MRPL3: variants seen among roughly 807,000 people sequenced by gnomAD.
MRPL3 encodes mitochondrial ribosomal protein L3.
MRPL3 carries 43 observed loss-of-function variants against 44.3 expected under a neutral mutation model. The ratio of observed to expected loss-of-function variants is 0.97; its 90% CI spans 0.76 to 1.25. MRPL3 has a LOEUF of 1.25. MRPL3 is among the 50% of genes most tolerant of loss of function. The pLI, the probability that MRPL3 is intolerant of heterozygous loss-of-function variation, is 0.00. For synonymous variants in MRPL3, 171 were observed against 152.3 expected (o/e 1.12, Z -0.91); for missense variants, 406 against 427.6 (o/e 0.95, Z 0.45).
intron 7 of MRPL3, among the ~76,000 whole-genome samples, chr3:131,470,576 T>G (rs1333530681): frequency 1.3e-5 from 2 of 151,952 alleles, no homozygotes; most frequent in African/African-American, 4.8e-5. Flanking sequence ...ACAAATATAT[T>G]CCGTTATATA....
At chr3:131,478,898 G>T (rs1047382706) in intron 6 of MRPL3, among the ~76,000 whole-genome samples, 1 of 151,796 alleles carries the variant, frequency 6.6e-6, no homozygotes, top group South Asian at 2.1e-4. Context: ...TCGCTATGTT[G>T]GTCAGGCTGG....
chr3:131,501,865 T>G lies in MRPL3; in HGVS notation c.93-150A>C. On this transcript the variant is annotated intron_variant, in intron 1 of 9. Transcript: ENST00000264995. ...ATACCTTTTTTTCAGGTCTCCAACC[T>G]TTTCCTCACTCCCCACATTCCTTCG... 4.5e-6 allele frequency: 7 copies of G among 1,545,922 alleles called. 1 individual carries two copies. In the South Asian group the frequency reaches 8.1e-5, roughly 18 times the overall value.
intron 6 of MRPL3, among the ~76,000 whole-genome samples, chr3:131,475,158 A>C (rs966816918): frequency 6.6e-6 from 1 of 152,082 alleles, no homozygotes; most frequent in Non-Finnish European, 1.5e-5. Context: ...TTTTTAACAG[A>C]GTGTTCCCTA....
chr3:131,498,207 A>G lies in MRPL3; in HGVS notation c.440T>C (p.Val147Ala). The stretch of plus-strand genomic sequence containing the variant: ...AAAACGTGATACAGTTTTTCCTCCT[A>G]CAGACAGGGTTGCCATTTTTCCATT... ...NCNGKMATLS[V>A]GGKTVSRFRK... Residue 147 changes from valine (V) to alanine (A), a missense_variant, in exon 4 of 10, where the codon GTA becomes GCA. Coordinates refer to ENST00000264995, the MANE Select transcript of MRPL3 (RefSeq NM_007208.4). 1 of 1,610,582 alleles carries G rather than the reference A, an allele frequency of 6.2e-7. No individual in the cohort carries two copies. Among genetic ancestry groups the G allele is most frequent in the Non-Finnish European group, 8.5e-7 (1 of 1,176,828 alleles).
At chr3:131,484,912 C>G (rs955525984) in intron 6 of MRPL3, among the ~76,000 whole-genome samples, 1 of 152,196 alleles carries the variant, frequency 6.6e-6, no homozygotes, top group Middle Eastern at 3.4e-3. Context: ...CACACACATG[C>G]GAGGAAAACC....
Position 131,478,708 on chromosome 3 carries a change from ATT to A in MRPL3, c.630-7431_630-7430del, listed in dbSNP as rs68160977. On this transcript the variant is annotated intron_variant, in intron 6 of 9. Transcript: ENST00000264995. The stretch of plus-strand genomic sequence containing the variant: ...AGTTGCATCACCTGTGAAATATTCG[ATT>A]TTTTTTTTTTTTTTTTGAGACAGAC... 8.1e-5 allele frequency among the ~76,000 whole-genome samples: 11 copies of A among 135,736 alleles called. No individual in the cohort carries two copies. In the East Asian group the frequency reaches 1.3e-3, roughly 16 times the overall value. The allele number at this position is 135,736 out of a possible 152,430, so 89.0% of individuals were successfully genotyped here. A position where few individuals can be genotyped will look rare whatever the true frequency, so the allele number is the denominator to read the frequency against.
At position 131,462,675 on chromosome 3, in the gene MRPL3, C is replaced by T. The variant is rs1365570072; in HGVS notation, c.*48G>A. 3 of 1,534,644 alleles carry T rather than the reference C, an allele frequency of 2.0e-6. No homozygotes were observed. The highest frequency in any genetic ancestry group is 3.7e-5 in the Admixed American group (2 of 54,464). On this transcript the variant is annotated 3_prime_UTR_variant, in exon 10 of 10. Coordinates refer to ENST00000264995, the MANE Select transcript of MRPL3 (RefSeq NM_007208.4). ...TCTGGTGGTTATGATATCACTCTGG[C>T]TCATCGAAGCTCACAGAATATGTAA...
At chr3:131,480,667 T>A (rs1422337657) in intron 6 of MRPL3, among the ~76,000 whole-genome samples, 1 of 152,138 alleles carries the variant, frequency 6.6e-6, no homozygotes, top group Non-Finnish European at 1.5e-5. Flanking sequence ...CTGGGCACAC[T>A]CTGTTCTTCT....
intron 2 of MRPL3, among the ~76,000 whole-genome samples, chr3:131,501,284 T>G (rs184337214): frequency 4.0e-4 from 61 of 152,330 alleles, no homozygotes; most frequent in Admixed American, 6.5e-4. Flanking sequence ...AGAGAATCTA[T>G]GCAGAATGAT....
In MRPL3 at chr3:131,491,248, T is replaced by C. The variant is rs114105816; in HGVS notation, c.469-1168A>G. ...GCACTCAATGCAAAGTGCTTGTCAT[T>C]CACCAAGGATCTCCATACGGTCAAC... On this transcript the variant is annotated intron_variant, in intron 4 of 9. Coordinates refer to ENST00000264995, the MANE Select transcript of MRPL3 (RefSeq NM_007208.4). Among the ~76,000 whole-genome samples the C allele has an allele frequency of 2.5e-3, 384 of 152,214 alleles. 4 individuals carry two copies. The highest frequency in any genetic ancestry group is 8.6e-3 in the African/African-American group (359 of 41,524).
At chr3:131,500,935 A>C (rs546437963) in intron 2 of MRPL3, among the ~76,000 whole-genome samples, 1 of 152,358 alleles carries the variant, frequency 6.6e-6, no homozygotes, top group Admixed American at 6.5e-5. Flanking sequence ...CTGGTCATAC[A>C]TTGCTAAAAT....
At position 131,484,393 on chromosome 3, in the gene MRPL3, A is replaced by G. The variant is rs1934065987; in HGVS notation, c.629+3287T>C. Among the ~76,000 whole-genome samples, 3 of 152,160 alleles carry G rather than the reference A, an allele frequency of 2.0e-5. No individual in the cohort carries two copies. In the South Asian group the frequency reaches 6.2e-4, roughly 32 times the overall value. On this transcript the variant is annotated intron_variant, in intron 6 of 9. Coordinates refer to ENST00000264995, the MANE Select transcript of MRPL3 (RefSeq NM_007208.4). ...CTCAACTAAACCTCCAAGAGATTAT[A>G]AAGCCTACTCAAGCATGAGACCCAC...
At chr3:131,493,122 T>C (rs17277717) in intron 4 of MRPL3, among the ~76,000 whole-genome samples, 20,509 of 152,154 alleles carry the variant, frequency 0.13, 1,614 homozygotes, top group South Asian at 0.23. Flanking sequence ...ATGGCTATGT[T>C]ACTCTATGTA....
chr3:131,495,341 T>A (rs994078098), intron 4 of MRPL3, among the ~76,000 whole-genome samples: 3 of 152,220 alleles, frequency 2.0e-5, no homozygotes, highest in Non-Finnish European at 4.4e-5. Flanking sequence ...AACTTCATTT[T>A]CACATTTCAT....
In MRPL3 at chr3:131,486,535, G is replaced by A. The variant is rs1934129320; in HGVS notation, c.629+1145C>T. ...ATATGTATACATGTGCCATGCTGGT[G>A]CGCTGGAAAATTTTTGTAATCTACC... On this transcript the variant is annotated intron_variant, in intron 6 of 9. Transcript: ENST00000264995. 2.0e-5 allele frequency among the ~76,000 whole-genome samples: 3 copies of A among 151,088 alleles called. No individual in the cohort carries two copies. The South Asian group carries it at 6.3e-4, about 31-fold the overall frequency.
At chr3:131,469,324 T>C (rs1224005831) in intron 8 of MRPL3, among the ~76,000 whole-genome samples, 1 of 151,612 alleles carries the variant, frequency 6.6e-6, no homozygotes. Flanking sequence ...CACAGCAACA[T>C]ACACACGTAG....
chr3:131,495,204 T>A (rs976743687), intron 4 of MRPL3, among the ~76,000 whole-genome samples: 1 of 152,170 alleles, frequency 6.6e-6, no homozygotes, highest in Non-Finnish European at 1.5e-5. Context: ...CTTCGTTTTT[T>A]AAAAAATCCT....
At chr3:131,500,559 T>C (rs1351739072) in intron 2 of MRPL3, 38 bp from the exon 3 acceptor site, 3 of 1,535,786 alleles carry the variant, frequency 2.0e-6, no homozygotes, top group South Asian at 2.2e-5. Flanking sequence ...ACAAAAGCTT[T>C]TGCAACATTC....
At chr3:131,491,891 ACTT>A (rs1184167880) in intron 4 of MRPL3, among the ~76,000 whole-genome samples, 1 of 152,150 alleles carries the variant, frequency 6.6e-6, no homozygotes, top group African/African-American at 2.4e-5. Context: ...AGTGGCTTCT[ACTT>A]CTTACAGAAT....
Sources: gnomAD v4.1 joint callset for allele counts (sites outside exome capture counted in the v4.1 genomes callset) on GRCh38, gnomAD v4.1.1 for gene constraint, MANE v1.5 for transcripts, NCBI Gene and HGNC (gene_info 2026-07-23, HGNC 2026-07-21) for gene names.